Variants in NALF1 observed in about 807,000 individuals in gnomAD.
NALF1 encodes family with sequence similarity 155 member A.
NALF1 carries 3 observed loss-of-function variants against 48.4 expected under a neutral mutation model. That is an observed-to-expected ratio of 0.06 (90% CI 0.03 to 0.16). NALF1 has a LOEUF of 0.16. NALF1 is among the 10% of genes least tolerant of loss of function. The probability of loss-of-function intolerance (pLI) is 1.00; values close to 1 mark genes in which losing one functional copy is unlikely to be tolerated. For synonymous variants in NALF1, 262 were observed against 245.7 expected (o/e 1.07, Z -0.62); for missense variants, 526 against 571.5 (o/e 0.92, Z 0.81).
chr13:107,707,930 G>C (rs1327682465), intron 1 of NALF1, among the ~76,000 whole-genome samples: 1 of 152,082 alleles, frequency 6.6e-6, no homozygotes, highest in Non-Finnish European at 1.5e-5. Flanking sequence ...GACACACAGT[G>C]ATCTCTGGTT....
chr13:107,687,129 G>A (rs375086889), intron 1 of NALF1, among the ~76,000 whole-genome samples: 7 of 152,296 alleles, frequency 4.6e-5, no homozygotes, highest in African/African-American at 1.7e-4. Flanking sequence ...CATAAAAAAT[G>A]AAATTATGTC....
intron 1 of NALF1, among the ~76,000 whole-genome samples, chr13:107,524,362 T>C (rs2139099769): frequency 6.6e-6 from 1 of 152,296 alleles, no homozygotes. Flanking sequence ...GAGCTACTTC[T>C]TTGATTATTC....
At chr13:107,659,106 G>GACAC (rs1408509437) in intron 1 of NALF1, among the ~76,000 whole-genome samples, 2 of 98,494 alleles carry the variant, frequency 2.0e-5, no homozygotes, top group Non-Finnish European at 4.1e-5. Context: ...CTGACACACT[G>GACAC]ACACACAGAC....
At chr13:107,292,131 C>A (rs1881632976) in intron 1 of NALF1, among the ~76,000 whole-genome samples, 2 of 152,204 alleles carry the variant, frequency 1.3e-5, no homozygotes, top group African/African-American at 4.8e-5. Context: ...AGGCTACAAA[C>A]CTGTACAGCA....
intron 1 of NALF1, among the ~76,000 whole-genome samples, chr13:107,303,086 GGTGGGTATGAA>G (rs1256849266): frequency 6.6e-6 from 1 of 152,080 alleles, no homozygotes; most frequent in African/African-American, 2.4e-5. Context: ...CAGCTATCCT[GGTGGGTATGAA>G]GTGGTGCCTC....
intron 1 of NALF1, among the ~76,000 whole-genome samples, chr13:107,292,444 T>G (rs992331012): frequency 4.0e-5 from 6 of 150,328 alleles, no homozygotes; most frequent in African/African-American, 1.5e-4. Context: ...CAAAATATTT[T>G]CTGTCTTTAT....
At chr13:107,254,802 T>C (rs1257677941) in intron 1 of NALF1, among the ~76,000 whole-genome samples, 1 of 152,172 alleles carries the variant, frequency 6.6e-6, no homozygotes, top group African/African-American at 2.4e-5. Context: ...TATAATTCAG[T>C]CAGGCAAATG....
At chr13:107,571,440 G>A (rs1357386590) in intron 1 of NALF1, among the ~76,000 whole-genome samples, 2 of 152,136 alleles carry the variant, frequency 1.3e-5, no homozygotes, top group African/African-American at 4.8e-5. Flanking sequence ...TAAATAATGG[G>A]GTTTGGAGAG....
intron 1 of NALF1, among the ~76,000 whole-genome samples, chr13:107,286,787 G>A (rs1182636629): frequency 6.6e-6 from 1 of 152,056 alleles, no homozygotes; most frequent in Non-Finnish European, 1.5e-5. Context: ...CTAAGTAAAA[G>A]AAGACAGATA....
intron 1 of NALF1, among the ~76,000 whole-genome samples, chr13:107,842,138 T>G (rs753070272): frequency 6.6e-6 from 1 of 152,092 alleles, no homozygotes; most frequent in African/African-American, 2.4e-5. Context: ...AATTGATTAT[T>G]TTATTTCTTT....
chr13:107,455,051 T>C (rs1473929440), intron 1 of NALF1, among the ~76,000 whole-genome samples: 2 of 152,154 alleles, frequency 1.3e-5, no homozygotes, highest in Non-Finnish European at 2.9e-5. Context: ...ATTTCCTCCA[T>C]GCTGTTTTCA....
chr13:107,486,553 C>G (rs1343428552), intron 1 of NALF1, among the ~76,000 whole-genome samples: 1 of 152,136 alleles, frequency 6.6e-6, no homozygotes, highest in Non-Finnish European at 1.5e-5. Context: ...TAGACGCCCT[C>G]TTACGTTAGT....
At chr13:107,717,669 G>A (rs527330860) in intron 1 of NALF1, among the ~76,000 whole-genome samples, 3 of 151,542 alleles carry the variant, frequency 2.0e-5, no homozygotes, top group East Asian at 3.9e-4. Flanking sequence ...TTTTCAAAAC[G>A]AAAAGGAAAA....
At chr13:107,212,652 T>G (rs536654426) in intron 1 of NALF1, among the ~76,000 whole-genome samples, 1 of 152,300 alleles carries the variant, frequency 6.6e-6, no homozygotes, top group South Asian at 2.1e-4. Context: ...CCATAGACAT[T>G]GACGTTTGTG....
At chr13:107,374,172 C>T (rs1765017658) in intron 1 of NALF1, among the ~76,000 whole-genome samples, 1 of 152,176 alleles carries the variant, frequency 6.6e-6, no homozygotes, top group Non-Finnish European at 1.5e-5. Flanking sequence ...CTTTCCTACG[C>T]AAGTACTTCT....
chr13:107,839,198 A>G (rs1223146531), intron 1 of NALF1, among the ~76,000 whole-genome samples: 1 of 151,786 alleles, frequency 6.6e-6, no homozygotes, highest in East Asian at 1.9e-4. Context: ...AATTCTAATG[A>G]ATGCCATGCA....
Position 107,258,877 on chromosome 13 carries a change from C to T in NALF1, c.916-48122G>A, listed in dbSNP as rs746515800. Among the ~76,000 whole-genome samples, 9 of 152,220 alleles carry T rather than the reference C, an allele frequency of 5.9e-5. No homozygotes were observed. In the South Asian group the frequency reaches 8.3e-4, roughly 14 times the overall value. On this transcript the variant is annotated intron_variant, in intron 1 of 2. Transcript: ENST00000375915. ...TTAGATGGCACAGACACAGAAAGAACTCTAAGCTGCCTTTCAATACTTGAA... is the reference window on the plus strand; with the variant it reads ...TTAGATGGCACAGACACAGAAAGAATTCTAAGCTGCCTTTCAATACTTGAA...
intron 1 of NALF1, among the ~76,000 whole-genome samples, chr13:107,829,796 T>C (rs905932737): frequency 2.6e-5 from 4 of 152,210 alleles, no homozygotes; most frequent in African/African-American, 9.6e-5. Flanking sequence ...CAATTACTTA[T>C]TCACAGCAGT....
chr13:107,190,879 A>G (rs529885272), intron 2 of NALF1, among the ~76,000 whole-genome samples: 1 of 152,332 alleles, frequency 6.6e-6, no homozygotes, highest in Non-Finnish European at 1.5e-5. Flanking sequence ...GAGAGCAGAA[A>G]GGTAGAGTTT....
Sources: allele counts gnomAD v4.1 joint callset (sites outside exome capture counted in the v4.1 genomes callset), GRCh38; gene constraint gnomAD v4.1.1; transcripts MANE v1.5; gene names NCBI Gene and HGNC (gene_info 2026-07-23, HGNC 2026-07-21).